Variants in LRBA observed in about 807,000 individuals in gnomAD.
LRBA encodes the protein lipopolysaccharide-responsive and beige-like anchor protein.
A neutral mutation model predicts 330.0 loss-of-function variants in LRBA; 176 were observed. The ratio of observed to expected loss-of-function variants is 0.53; its 90% CI spans 0.47 to 0.60. The LOEUF (loss-of-function observed/expected upper bound fraction) is 0.60. Among genes scored for constraint, LRBA ranks in the 20% least tolerant of loss-of-function variants. The pLI is 0.00. For synonymous variants in LRBA, 1,230 were observed against 1,193.0 expected (o/e 1.03, Z -0.64); for missense variants, 3,259 against 3,444.8 (o/e 0.95, Z 1.35).
intron 17 of LRBA, among the ~76,000 whole-genome samples, chr4:150,883,137 CCT>C (rs1313309033): frequency 4.6e-5 from 7 of 152,112 alleles, no homozygotes; most frequent in African/African-American, 1.4e-4. Context: ...TCTTAATTCA[CCT>C]CTGTTTTTTT....
At chr4:150,948,029 A>G (rs1296672327) in intron 2 of LRBA, among the ~76,000 whole-genome samples, 1 of 152,074 alleles carries the variant, frequency 6.6e-6, no homozygotes, top group African/African-American at 2.4e-5. Context: ...GGCACACTGC[A>G]TTCATAGTAC....
At position 150,789,670 on chromosome 4, in the gene LRBA, G is replaced by GTT. The variant is rs200090895; in HGVS notation, c.5580+8410_5580+8411insAA. On this transcript the variant is annotated intron_variant, in intron 34 of 56. Coordinates refer to ENST00000651943, the MANE Select transcript of LRBA (RefSeq NM_001364905.1). The stretch of plus-strand genomic sequence containing the variant: ...AAAAACTATATAGTATGAGAATATA[G>GTT]CTAAAACTTCTAAAAGTTATCAGAG... Among the ~76,000 whole-genome samples, 929 of 152,156 alleles carry GTT rather than the reference G, an allele frequency of 6.1e-3. 6 individuals are homozygous for GTT. The highest frequency in any genetic ancestry group is 0.021 in the African/African-American group (882 of 41,512).
chr4:150,825,480 C>T (rs970761092), intron 30 of LRBA, among the ~76,000 whole-genome samples: 2 of 152,162 alleles, frequency 1.3e-5, no homozygotes, highest in African/African-American at 4.8e-5. Flanking sequence ...GATTCTCCTG[C>T]CTCTGCCTCC....
rs142846706 is a variant in LRBA at position 150,741,800 on chromosome 4, G to C, written c.5646-6434C>G. Among the ~76,000 whole-genome samples the C allele has an allele frequency of 4.2e-3, 636 of 152,122 alleles. 4 individuals carry two copies. The highest frequency in any genetic ancestry group is 0.015 in the African/African-American group (615 of 41,506). The stretch of plus-strand genomic sequence containing the variant: ...AAATGTATGAATTGCCTTGTATAAA[G>C]ATAAAAATTTTTAAAAACAAAACTA... On this transcript the variant is annotated intron_variant, in intron 35 of 56. Transcript: ENST00000651943.
intron 17 of LRBA, among the ~76,000 whole-genome samples, chr4:150,880,537 AC>A (rs1560954801): frequency 6.9e-6 from 1 of 144,082 alleles, no homozygotes; most frequent in African/African-American, 2.5e-5. Flanking sequence ...AAAAAAAAAA[AC>A]CTTTTAGCTC....
At chr4:150,426,974 T>A (rs1377551024) in intron 46 of LRBA, among the ~76,000 whole-genome samples, 1 of 151,782 alleles carries the variant, frequency 6.6e-6, no homozygotes, top group African/African-American at 2.4e-5. Context: ...TAGACCCTTA[T>A]CTCCAAATAA....
At chr4:150,460,976 A>G (rs137976909) in intron 44 of LRBA, among the ~76,000 whole-genome samples, 1 of 151,818 alleles carries the variant, frequency 6.6e-6, no homozygotes, top group South Asian at 2.1e-4. Context: ...ACAGTACTCA[A>G]TTAACAACCA....
intron 14 of LRBA, among the ~76,000 whole-genome samples, chr4:150,899,728 T>A (rs911141448): frequency 2.1e-4 from 32 of 152,156 alleles, no homozygotes; most frequent in African/African-American, 7.7e-4. Flanking sequence ...ACAATCCATC[T>A]CAGCATCAAT....
intron 47 of LRBA, among the ~76,000 whole-genome samples, chr4:150,386,409 C>T (rs1054586700): frequency 4.7e-5 from 7 of 148,660 alleles, no homozygotes; most frequent in African/African-American, 1.7e-4. Flanking sequence ...TGATGTTTTC[C>T]TTCCTCCCAC....
intron 2 of LRBA, among the ~76,000 whole-genome samples, chr4:150,968,519 G>A (rs1365148582): frequency 2.6e-5 from 4 of 152,172 alleles, no homozygotes; most frequent in Non-Finnish European, 5.9e-5. Flanking sequence ...CAGTCACAAC[G>A]TTCCCTTAGG....
At chr4:150,991,423 C>T (rs151236573) in intron 2 of LRBA, among the ~76,000 whole-genome samples, 36 of 152,288 alleles carry the variant, frequency 2.4e-4, no homozygotes, top group Non-Finnish European at 4.7e-4. Context: ...CCCAAAGTAA[C>T]TGGATAAACA....
chr4:150,571,485 C>T (rs915875471), intron 40 of LRBA, among the ~76,000 whole-genome samples: 1 of 151,894 alleles, frequency 6.6e-6, no homozygotes, highest in East Asian at 1.9e-4. Context: ...TTCTTTAAAA[C>T]TAAGATAACA....
At chr4:150,696,615 A>G (rs1001916934) in intron 36 of LRBA, among the ~76,000 whole-genome samples, 44 of 152,198 alleles carry the variant, frequency 2.9e-4, no homozygotes. Flanking sequence ...AGTTTAGTAA[A>G]ATAAATACAA....
chr4:150,620,854 A>C (rs1213797296), intron 37 of LRBA, among the ~76,000 whole-genome samples: 1 of 152,188 alleles, frequency 6.6e-6, no homozygotes, highest in Admixed American at 6.5e-5. Context: ...CATATTGGGT[A>C]CAATGTACAC....
In LRBA at chr4:150,590,008, C is replaced by A. The variant is rs548941852; in HGVS notation, c.6193+705G>T. On this transcript the variant is annotated intron_variant, in intron 39 of 56. Coordinates refer to ENST00000651943, the MANE Select transcript of LRBA (RefSeq NM_001364905.1). ...TCACCAAAAGCAAGGTTTTTAATGT[C>A]TTTTCTCTTAAAATTATCAAAATGG... Among the ~76,000 whole-genome samples, 13 of 152,260 alleles carry A rather than the reference C, an allele frequency of 8.5e-5. No individual in the cohort carries two copies. In the East Asian group the frequency reaches 2.5e-3, roughly 29 times the overall value.
intron 36 of LRBA, among the ~76,000 whole-genome samples, chr4:150,704,053 T>A (rs202132993): frequency 5.5e-4 from 84 of 151,526 alleles, no homozygotes; most frequent in African/African-American, 1.5e-3. Context: ...CAAAAAAAAA[T>A]TTTTTTAATG....
intron 53 of LRBA, among the ~76,000 whole-genome samples, chr4:150,296,342 C>T (rs559479215): frequency 6.6e-6 from 1 of 152,260 alleles, no homozygotes; most frequent in Admixed American, 6.5e-5. Flanking sequence ...AAAAGCTCAA[C>T]AGTCATGCAG....
intron 43 of LRBA, among the ~76,000 whole-genome samples, chr4:150,469,277 A>G (rs1317001218): frequency 6.6e-6 from 1 of 152,156 alleles, no homozygotes; most frequent in East Asian, 1.9e-4. Flanking sequence ...TATATGTGGC[A>G]CAAATAATAA....
chr4:150,906,464 G>A (rs773631131), intron 11 of LRBA, 59 bp from the exon 12 acceptor site: 24 of 962,384 alleles, frequency 2.5e-5, no homozygotes, highest in Non-Finnish European at 3.6e-5. Context: ...TTTAAATTAG[G>A]TTAGATAGAT....
Sources: allele counts gnomAD v4.1 joint callset (sites outside exome capture counted in the v4.1 genomes callset), GRCh38; gene constraint gnomAD v4.1.1; transcripts MANE v1.5; gene names NCBI Gene and HGNC (gene_info 2026-07-23, HGNC 2026-07-21).